The following FLRT2 variants were observed in gnomAD, a reference collection of about 807,000 sequenced individuals.
FLRT2 encodes the protein leucine-rich repeat transmembrane protein FLRT2.
FLRT2 carries 15 observed loss-of-function variants against 40.0 expected under a neutral mutation model. The observed-to-expected ratio is 0.38, with a 90% confidence interval of 0.25 to 0.58. The LOEUF (loss-of-function observed/expected upper bound fraction) is 0.58. Among genes scored for constraint, FLRT2 ranks in the 20% least tolerant of loss-of-function variants. The pLI is 0.71. For missense variants in FLRT2, 726 were observed against 840.0 expected (o/e 0.86, Z 1.68); for synonymous variants, 380 against 336.8 (o/e 1.13, Z -1.41).
intron 1 of FLRT2, among the ~76,000 whole-genome samples, chr14:85,565,820 C>G (rs1014281688): frequency 6.6e-6 from 1 of 152,110 alleles, no homozygotes; most frequent in East Asian, 1.9e-4. Context: ...TCCATGGGGC[C>G]TTGGAACCTG....
chr14:85,573,406 C>T (rs574622844), intron 1 of FLRT2, among the ~76,000 whole-genome samples: 4 of 152,220 alleles, frequency 2.6e-5, no homozygotes, highest in East Asian at 3.9e-4. Flanking sequence ...TTTCTTTACT[C>T]GCTTTTAATA....
At chr14:85,568,774 C>A (rs1325256348) in intron 1 of FLRT2, among the ~76,000 whole-genome samples, 1 of 152,128 alleles carries the variant, frequency 6.6e-6, no homozygotes, top group African/African-American at 2.4e-5. Context: ...CTTCTCTCAC[C>A]TACTTAACTT....
intron 1 of FLRT2, among the ~76,000 whole-genome samples, chr14:85,601,312 A>G: frequency 6.6e-6 from 1 of 152,224 alleles, no homozygotes; most frequent in Non-Finnish European, 1.5e-5. Context: ...TTGTTGAGCC[A>G]TTTTTTAAGC....
chr14:85,535,365 AAC>A (rs368121953), intron 1 of FLRT2, among the ~76,000 whole-genome samples: 39 of 140,168 alleles, frequency 2.8e-4, no homozygotes, highest in African/African-American at 9.4e-4. Flanking sequence ...AAAAAAAAAA[AAC>A]AACAACATTT....
In FLRT2 at chr14:85,634,528, C is replaced by CTA. The variant is rs574335562; in HGVS notation, c.*11034_*11035dup. On this transcript the variant is annotated 3_prime_UTR_variant, in exon 2 of 2. Transcript: ENST00000330753. ...CAATTATATCTAACAGCAACTGTGT[C>CTA]TATAAGACTGTAGCCTATTGGATGG... The CTA allele has an allele frequency of 6.6e-6, 1 of 152,176 alleles. No individual in the cohort carries two copies. Among genetic ancestry groups the CTA allele is most frequent in the African/African-American group, 2.4e-5 (1 of 41,440 alleles). The allele number at this position is 152,176 out of a possible 1,614,324, so 9.4% of individuals were successfully genotyped here. A position where few individuals can be genotyped will look rare whatever the true frequency, so the allele number is the denominator to read the frequency against.
intron 1 of FLRT2, among the ~76,000 whole-genome samples, chr14:85,535,413 G>A (rs930284056): frequency 9.2e-5 from 14 of 151,552 alleles, no homozygotes; most frequent in African/African-American, 3.4e-4. Flanking sequence ...ATTTGTCCAG[G>A]GATATATTAG....
Position 85,621,478 on chromosome 14 carries a change from T to C in FLRT2, c.-37T>C, listed in dbSNP as rs563943260. The C allele has an allele frequency of 6.5e-7, 1 of 1,537,146 alleles. No homozygotes were observed. Among genetic ancestry groups the C allele is most frequent in the South Asian group, 1.2e-5 (1 of 80,010 alleles). On this transcript the variant is annotated 5_prime_UTR_variant, in exon 2 of 2. Transcript: ENST00000330753. ...GTTTATTTTTTTTTTCTTTTTCTTT[T>C]TCCCACCACATTGTATTTTATTTCC...
At position 85,635,822 on chromosome 14, in the gene FLRT2, T is replaced by A. The variant is rs1893985876; in HGVS notation, c.*12325T>A. ...TACTTAGCAGCTAACAATGAAATGTTCATTTCAAAATGTTTAGTCTTTAAA... is the reference window on the plus strand; with the variant it reads ...TACTTAGCAGCTAACAATGAAATGTACATTTCAAAATGTTTAGTCTTTAAA... On this transcript the variant is annotated 3_prime_UTR_variant, in exon 2 of 2. Transcript: ENST00000330753. 2 of 152,142 alleles carry A rather than the reference T, an allele frequency of 1.3e-5. No individual in the cohort carries two copies. Among genetic ancestry groups the A allele is most frequent in the Non-Finnish European group, 2.9e-5 (2 of 67,970 alleles). 9.4% of individuals were successfully genotyped at this position (152,142 alleles called of 1,614,324 possible).
intron 1 of FLRT2, among the ~76,000 whole-genome samples, chr14:85,607,143 G>A (rs923265141): frequency 2.0e-5 from 3 of 151,884 alleles, no homozygotes; most frequent in Non-Finnish European, 2.9e-5. Context: ...ATGATCTATT[G>A]GGTTATAGAT....
rs538512780 is a variant in FLRT2 at position 85,599,605 on chromosome 14, C to T, written c.-376-21534C>T. ...AAGAAGTTTTAAGTTAGTCAGACAG[C>T]GCCATGTACAACTAAACAAACTTAA... On this transcript the variant is annotated intron_variant, in intron 1 of 1. Coordinates refer to ENST00000330753, the MANE Select transcript of FLRT2 (RefSeq NM_013231.6). Among the ~76,000 whole-genome samples, 9 of 152,214 alleles carry T rather than the reference C, an allele frequency of 5.9e-5. 2 individuals are homozygous for T. The highest frequency in any genetic ancestry group is 2.2e-4 in the African/African-American group (9 of 41,562).
At chr14:85,547,306 GTCTTTCTTTTCTT>G (rs1230307381) in intron 1 of FLRT2, among the ~76,000 whole-genome samples, 1 of 145,776 alleles carries the variant, frequency 6.9e-6, no homozygotes, top group African/African-American at 2.5e-5. Context: ...CAAATACTTT[GTCTTTCTTTTCTT>G]TCTTTCTTTT....
rs112005982 is a variant in FLRT2 at position 85,542,716 on chromosome 14, G to A, written c.-377+12182G>A. ...TTGTACTCAGATAGGTAAAGAACAAGTCCAGTGGTGCTGACAGCAATGGAA... is the reference window on the plus strand; with the variant it reads ...TTGTACTCAGATAGGTAAAGAACAAATCCAGTGGTGCTGACAGCAATGGAA... On this transcript the variant is annotated intron_variant, in intron 1 of 1. Coordinates refer to ENST00000330753, the MANE Select transcript of FLRT2 (RefSeq NM_013231.6). Among the ~76,000 whole-genome samples, 567 of 152,300 alleles carry A rather than the reference G, an allele frequency of 3.7e-3. 3 individuals carry two copies. Among genetic ancestry groups the A allele is most frequent in the African/African-American group, 0.013 (540 of 41,574 alleles).
intron 1 of FLRT2, among the ~76,000 whole-genome samples, chr14:85,577,592 T>C (rs1484850575): frequency 1.3e-5 from 2 of 152,046 alleles, no homozygotes; most frequent in Non-Finnish European, 2.9e-5. Flanking sequence ...TGATTATTTT[T>C]TTTTTTTCTT....
chr14:85,548,821 T>G (rs1889435969), intron 1 of FLRT2, among the ~76,000 whole-genome samples: 1 of 152,152 alleles, frequency 6.6e-6, no homozygotes, highest in South Asian at 2.1e-4. Flanking sequence ...ATTTCTGTTT[T>G]CCCCACCCGA....
At chr14:85,574,982 C>T (rs2139866715) in intron 1 of FLRT2, among the ~76,000 whole-genome samples, 1 of 152,314 alleles carries the variant, frequency 6.6e-6, no homozygotes, top group African/African-American at 2.4e-5. Flanking sequence ...CAGGTCAGCA[C>T]CAACAAAGTC....
rs1266013424 is a variant in FLRT2 at position 85,635,716 on chromosome 14, T to A, written c.*12219T>A. 6.6e-6 allele frequency: 1 copy of A among 151,780 alleles called. No homozygotes were observed. The highest frequency in any genetic ancestry group is 2.4e-5 in the African/African-American group (1 of 41,368). 9.4% of individuals were successfully genotyped at this position (151,780 alleles called of 1,614,324 possible). ...CTTGAACAAACATACAATTATGGTTTAAAAAAAAGAAAGATGAAAACTTTT... is the reference window on the plus strand; with the variant it reads ...CTTGAACAAACATACAATTATGGTTAAAAAAAAAGAAAGATGAAAACTTTT... On this transcript the variant is annotated 3_prime_UTR_variant, in exon 2 of 2. Coordinates refer to ENST00000330753, the MANE Select transcript of FLRT2 (RefSeq NM_013231.6).
intron 1 of FLRT2, among the ~76,000 whole-genome samples, chr14:85,539,424 G>A (rs531333009): frequency 6.6e-5 from 10 of 152,048 alleles, no homozygotes; most frequent in East Asian, 5.8e-4. Flanking sequence ...TAAAATAATA[G>A]CATTTCACTC....
intron 1 of FLRT2, among the ~76,000 whole-genome samples, chr14:85,543,278 C>T (rs1889085064): frequency 6.6e-6 from 1 of 151,920 alleles, no homozygotes. Context: ...TTTTTCTGAC[C>T]GGAGAATCAG....
chr14:85,618,788 C>A (rs1893250976), intron 1 of FLRT2, among the ~76,000 whole-genome samples: 1 of 152,166 alleles, frequency 6.6e-6, no homozygotes, highest in Non-Finnish European at 1.5e-5. Flanking sequence ...CCATCCCAGG[C>A]TCTCGCTAAC....
Sources: allele counts gnomAD v4.1 joint callset (sites outside exome capture counted in the v4.1 genomes callset), GRCh38; gene constraint gnomAD v4.1.1; transcripts MANE v1.5; gene names NCBI Gene and HGNC (gene_info 2026-07-23, HGNC 2026-07-21).